AZIN2: variants seen among roughly 807,000 people sequenced by gnomAD.
The protein encoded by AZIN2 is antizyme inhibitor 2, also known as ODC antizyme inhibitor-2.
A neutral mutation model predicts 47.8 loss-of-function variants in AZIN2; 28 were observed. The observed-to-expected ratio is 0.59, with a 90% CI of 0.43 to 0.80. The LOEUF (loss-of-function observed/expected upper bound fraction) is 0.80. Among genes scored for constraint, AZIN2 ranks in the 30% least tolerant of loss-of-function variants. The probability of loss-of-function intolerance (pLI) is 0.00; values close to 1 mark genes in which losing one functional copy is unlikely to be tolerated. For synonymous variants in AZIN2, 221 were observed against 239.4 expected, an observed-to-expected ratio of 0.92 and a Z score of 0.71; for missense variants, 535 against 582.5, an observed-to-expected ratio of 0.92 and a Z score of 0.84.
At chr1:33,147,987 C>T in the AZIN2 span, among the ~76,000 whole-genome samples, 3 of 152,092 alleles carry the variant, frequency 2.0e-5, no homozygotes, top group East Asian at 1.9e-4. The surrounding 1 kb of genome is among the most constrained non-coding windows in gnomAD (Gnocchi z 8.1). Context: ...ATGCCCAGGG[C>T]GGAGCACATA....
At chr1:33,098,913 G>A (rs774827543) in intron 10 of AZIN2, among the ~76,000 whole-genome samples, 4 of 152,016 alleles carry the variant, frequency 2.6e-5, no homozygotes, top group South Asian at 2.1e-4. Flanking sequence ...ATAGGCACCC[G>A]CCACCATGCC....
downstream of AZIN2, among the ~76,000 whole-genome samples, chr1:33,127,889 A>T (rs1055998518): frequency 6.6e-6 from 1 of 152,124 alleles, no homozygotes; most frequent in Non-Finnish European, 1.5e-5. Context: ...TAATCGACAC[A>T]GGCCTGTGCA....
At chr1:33,152,146 G>C in the AZIN2 span, among the ~76,000 whole-genome samples, 1 of 152,258 alleles carries the variant, frequency 6.6e-6, no homozygotes, top group African/African-American at 2.4e-5. Flanking sequence ...GAGGCTCCAA[G>C]GAGACAACTC....
chr1:33,151,020 G>A, the AZIN2 span, among the ~76,000 whole-genome samples: 2 of 152,098 alleles, frequency 1.3e-5, no homozygotes, highest in African/African-American at 2.4e-5. Context: ...GTGCGGGGCG[G>A]GGGGTACCCT....
rs1449979169 is a variant in AZIN2, at chr1:33,117,919, G to A, written c.1047G>A (p.Gln349=). The A allele has an allele frequency of 6.2e-7, 1 of 1,614,212 alleles. No homozygotes were observed. The highest frequency in any genetic ancestry group is 2.2e-5 in the East Asian group (1 of 44,884). ...TCCTACAGAAACCATCCACGGAGCAGCCCCTGTACAGCAGCAGCCTGTGGG... is the reference window on the plus strand; with the variant it reads ...TCCTACAGAAACCATCCACGGAGCAACCCCTGTACAGCAGCAGCCTGTGGG... ...PILQKKPSTE[Q]PLYSSSLWGP... is the part of the protein sequence containing the mutation. The change falls in exon 11 of 12, where the codon CAG becomes CAA. Residue 349 remains glutamine (Q), a synonymous_variant. Coordinates refer to ENST00000294517, the MANE Select transcript of AZIN2 (RefSeq NM_052998.4).
At chr1:33,096,982 A>G (rs1164933930) in intron 9 of AZIN2, 113 bp downstream of exon 9, 1 of 1,306,224 alleles carries the variant, frequency 7.7e-7, no homozygotes, top group Non-Finnish European at 1.1e-6. Flanking sequence ...AATCTGGAGA[A>G]TGAATGGGTT....
At chr1:33,089,521 C>T (rs372420532) in intron 5 of AZIN2, among the ~76,000 whole-genome samples, 2 of 152,188 alleles carry the variant, frequency 1.3e-5, no homozygotes, top group South Asian at 2.1e-4. Flanking sequence ...ACTGCTTCTT[C>T]CTCTCACCTC....
At chr1:33,153,425 G>A in the AZIN2 span, among the ~76,000 whole-genome samples, 1 of 152,326 alleles carries the variant, frequency 6.6e-6, no homozygotes, top group East Asian at 1.9e-4. Flanking sequence ...TGCTTCCCAG[G>A]GACATCTGGC....
At position 33,120,542 on chromosome 1, in the gene AZIN2, G is replaced by C. The variant is rs1644772416; in HGVS notation, c.*360G>C. 3.1e-5 allele frequency: 6 copies of C among 193,438 alleles called. No homozygotes were observed. The highest frequency in any genetic ancestry group is 5.4e-5 in the Non-Finnish European group (5 of 92,190). The allele number at this position is 193,438 out of a possible 1,614,324, so 12.0% of individuals were successfully genotyped here. ...TTTTTAAAAACTGCAGCGGAATCTG[G>C]CAGTTTGATTCACAAAGCAGCCTGG... On this transcript the variant is annotated 3_prime_UTR_variant, in exon 12 of 12. Coordinates refer to ENST00000294517, the MANE Select transcript of AZIN2 (RefSeq NM_052998.4).
chr1:33,162,254 A>G, the AZIN2 span, among the ~76,000 whole-genome samples: 2 of 152,104 alleles, frequency 1.3e-5, no homozygotes, highest in African/African-American at 4.8e-5. Flanking sequence ...ATTTAACCCT[A>G]GCTTACCTCC....
the AZIN2 span, among the ~76,000 whole-genome samples, chr1:33,157,552 C>T: frequency 6.7e-6 from 1 of 149,598 alleles, no homozygotes; most frequent in East Asian, 1.9e-4. Flanking sequence ...TGTCTACTTT[C>T]TATCTCACAC....
intron 6 of AZIN2, among the ~76,000 whole-genome samples, chr1:33,092,756 C>T (rs555980833): frequency 2.0e-4 from 30 of 149,886 alleles, no homozygotes; most frequent in South Asian, 1.1e-3. Flanking sequence ...AGATCCTGGT[C>T]GGGGGCGGGG....
the AZIN2 span, chr1:33,163,265 C>T: frequency 2.6e-5 from 4 of 152,112 alleles, no homozygotes; most frequent in African/African-American, 9.7e-5. Flanking sequence ...TCTTGAACTC[C>T]TGACCTCAGG....
At chr1:33,144,184 T>C in the AZIN2 span, among the ~76,000 whole-genome samples, 1 of 149,508 alleles carries the variant, frequency 6.7e-6, no homozygotes, top group Non-Finnish European at 1.5e-5. Context: ...TTGCCCAGGC[T>C]GGAGTGCAAT....
chr1:33,092,392 C>T (rs908012462), intron 6 of AZIN2, among the ~76,000 whole-genome samples, 170 bp downstream of exon 6: 1 of 151,522 alleles, frequency 6.6e-6, no homozygotes, highest in African/African-American at 2.4e-5. Context: ...GTCACCCTGT[C>T]CTGGACCCAG....
intron 10 of AZIN2, chr1:33,101,693 T>C: frequency 1.8e-6 from 1 of 547,864 alleles, no homozygotes; most frequent in South Asian, 2.9e-5. Context: ...ATTCTCTGGC[T>C]TTCTTTTTCA....
intron 10 of AZIN2, among the ~76,000 whole-genome samples, chr1:33,099,584 T>C (rs990002711): frequency 6.6e-6 from 1 of 152,188 alleles, no homozygotes; most frequent in Non-Finnish European, 1.5e-5. Flanking sequence ...ACTCCCTTCA[T>C]TGGCTCCTCA....
intron 10 of AZIN2, among the ~76,000 whole-genome samples, chr1:33,111,157 C>T (rs952437259): frequency 6.6e-6 from 1 of 152,230 alleles, no homozygotes; most frequent in African/African-American, 2.4e-5. Flanking sequence ...GCGAATGCTA[C>T]CATGTACTTG....
At chr1:33,141,221 A>AC in the AZIN2 span, among the ~76,000 whole-genome samples, 1 of 149,578 alleles carries the variant, frequency 6.7e-6, no homozygotes, top group Non-Finnish European at 1.5e-5. Context: ...GCCCTCTTGT[A>AC]CCCCCGCAGA....
Sources: gnomAD v4.1 joint callset for allele counts (sites outside exome capture counted in the v4.1 genomes callset) on GRCh38, gnomAD v4.1.1 for gene constraint, Gnocchi (gnomAD v3.1) non-coding constraint, MANE v1.5 for transcripts, NCBI Gene and HGNC (gene_info 2026-07-23, HGNC 2026-07-21) for gene names.